Variants in TTC28 observed in about 807,000 individuals in gnomAD.
TTC28 encodes the protein tetratricopeptide repeat domain 28.
In TTC28, 61 loss-of-function variants were observed where a neutral mutation model predicts 198.0. The observed-to-expected ratio is 0.31, with a 90% CI of 0.25 to 0.38. TTC28 has a LOEUF of 0.38. TTC28 is among the 10% of genes least tolerant of loss of function. TTC28 has a pLI of 1.00. For synonymous variants in TTC28, 1,171 were observed against 1,297.8 expected (o/e 0.90, Z 2.10); for missense variants, 2,678 against 3,164.0 (o/e 0.85, Z 3.69).
chr22:28,531,808 T>C (rs2049146127), intron 2 of TTC28, among the ~76,000 whole-genome samples: 1 of 152,208 alleles, frequency 6.6e-6, no homozygotes, highest in Non-Finnish European at 1.5e-5. Flanking sequence ...CCTGAATGAC[T>C]ACTGGGTACA....
intron 2 of TTC28, among the ~76,000 whole-genome samples, chr22:28,410,205 A>G (rs2047060923): frequency 6.6e-6 from 1 of 152,192 alleles, no homozygotes; most frequent in South Asian, 2.1e-4. Flanking sequence ...TACAGGTGTG[A>G]GTCATAATGC....
intron 2 of TTC28, among the ~76,000 whole-genome samples, chr22:28,531,025 A>G (rs1412813216): frequency 6.6e-6 from 1 of 152,204 alleles, no homozygotes; most frequent in African/African-American, 2.4e-5. Flanking sequence ...ACCAGCTGAC[A>G]TCATAATGAC....
intron 5 of TTC28, among the ~76,000 whole-genome samples, chr22:28,264,478 T>G (rs913862229): frequency 2.0e-5 from 3 of 152,140 alleles, no homozygotes; most frequent in Non-Finnish European, 4.4e-5. Context: ...ATTAAAATGT[T>G]TAAATGTGTT....
At chr22:28,036,923 A>C (rs1468958204) in intron 12 of TTC28, among the ~76,000 whole-genome samples, 2 of 152,254 alleles carry the variant, frequency 1.3e-5, no homozygotes, top group Admixed American at 6.5e-5. Flanking sequence ...AATCTAGAAG[A>C]AATGGATAAA....
chr22:28,361,254 C>A (rs113590034), intron 2 of TTC28, among the ~76,000 whole-genome samples: 1,558 of 152,270 alleles, frequency 0.01, 34 homozygotes, highest in East Asian at 0.082. Flanking sequence ...AAAAGCTAGG[C>A]CTCTTGCACT....
intron 9 of TTC28, among the ~76,000 whole-genome samples, chr22:28,100,184 G>A (rs915831126): frequency 8.6e-5 from 13 of 151,978 alleles, no homozygotes; most frequent in African/African-American, 2.4e-4. Context: ...CTTGCTTCTC[G>A]GCCTTTTGGC....
In TTC28 at chr22:28,141,370, A is replaced by G. The variant is rs76624436; in HGVS notation, c.1441+21722T>C. Among the ~76,000 whole-genome samples the G allele has an allele frequency of 7.0e-3, 1,069 of 152,278 alleles. 14 individuals carry two copies. Among genetic ancestry groups the G allele is most frequent in the African/African-American group, 0.022 (934 of 41,556 alleles). On this transcript the variant is annotated intron_variant, in intron 6 of 22. Coordinates refer to ENST00000397906, the MANE Select transcript of TTC28 (RefSeq NM_001145418.2). ...GCAAGTTAAGCAGGGATTTTAAATTATTCACTGCTTTATCTCTAATGCCTA... is the reference window on the plus strand; with the variant it reads ...GCAAGTTAAGCAGGGATTTTAAATTGTTCACTGCTTTATCTCTAATGCCTA...
intron 5 of TTC28, among the ~76,000 whole-genome samples, chr22:28,253,856 G>A (rs1601534459): frequency 6.6e-6 from 1 of 152,066 alleles, no homozygotes; most frequent in Non-Finnish European, 1.5e-5. Flanking sequence ...TGTAATCCCA[G>A]CACTTTGGGA....
chr22:28,155,701 T>C (rs1943734912), intron 6 of TTC28, among the ~76,000 whole-genome samples: 1 of 152,140 alleles, frequency 6.6e-6, no homozygotes. Context: ...TTAGTGAAAA[T>C]GGAACACCTC....
intron 12 of TTC28, among the ~76,000 whole-genome samples, chr22:28,060,296 G>A (rs1940468212): frequency 6.6e-6 from 1 of 152,108 alleles, no homozygotes. Flanking sequence ...CCCACCCTGT[G>A]TCCAAGTGTT....
chr22:28,189,970 G>C (rs547126873), intron 5 of TTC28, among the ~76,000 whole-genome samples: 16 of 152,192 alleles, frequency 1.1e-4, no homozygotes, highest in Non-Finnish European at 2.2e-4. Flanking sequence ...GATTCAACGA[G>C]TCTAGTTACT....
At position 28,271,762 on chromosome 22, in the gene TTC28, G is replaced by A. The variant is rs148496197; in HGVS notation, c.933+24436C>T. Among the ~76,000 whole-genome samples the A allele has an allele frequency of 3.6e-3, 543 of 152,216 alleles. 3 individuals are homozygous for A. Among genetic ancestry groups the A allele is most frequent in the African/African-American group, 0.013 (527 of 41,534 alleles). On this transcript the variant is annotated intron_variant, in intron 5 of 22. Coordinates refer to ENST00000397906, the MANE Select transcript of TTC28 (RefSeq NM_001145418.2). ...TAGGATTACAGGTGCCCGCCACCAC[G>A]TCCAGCTAATTTTTGTATTTTTAGT...
intron 2 of TTC28, among the ~76,000 whole-genome samples, chr22:28,528,737 TAAAAAA>T (rs5844812): frequency 1.1e-5 from 1 of 89,950 alleles, no homozygotes; most frequent in African/African-American, 5.1e-5. Context: ...CCCTGTCTCA[TAAAAAA>T]AAAAAAAAAA....
At chr22:28,393,523 C>T (rs535941161) in intron 2 of TTC28, among the ~76,000 whole-genome samples, 2 of 152,040 alleles carry the variant, frequency 1.3e-5, no homozygotes, top group East Asian at 1.9e-4. Context: ...GAGACCTCAT[C>T]TCCACACAAA....
At chr22:28,611,913 A>G (rs1400481471) in intron 2 of TTC28, among the ~76,000 whole-genome samples, 1 of 152,168 alleles carries the variant, frequency 6.6e-6, no homozygotes, top group Non-Finnish European at 1.5e-5. Context: ...TGAAGGAAGC[A>G]CTGCATCAAC....
intron 2 of TTC28, among the ~76,000 whole-genome samples, chr22:28,622,844 CAG>C (rs1569066170): frequency 6.7e-6 from 1 of 149,988 alleles, no homozygotes; most frequent in Admixed American, 6.6e-5. Context: ...TTTTTTGAGA[CAG>C]AGTCTTGCTC....
intron 5 of TTC28, among the ~76,000 whole-genome samples, chr22:28,202,455 T>C (rs1926048417): frequency 6.6e-6 from 1 of 151,378 alleles, no homozygotes; most frequent in Non-Finnish European, 1.5e-5. Context: ...GAGAATCGCT[T>C]GAATCTGGGA....
At chr22:28,265,629 G>A (rs1023983884) in intron 5 of TTC28, among the ~76,000 whole-genome samples, 2 of 152,118 alleles carry the variant, frequency 1.3e-5, no homozygotes, top group Non-Finnish European at 2.9e-5. Context: ...CCTATGTCAG[G>A]TTGCTGATGA....
intron 5 of TTC28, among the ~76,000 whole-genome samples, chr22:28,224,722 A>C (rs1359751925): frequency 2.0e-5 from 3 of 152,084 alleles, no homozygotes; most frequent in African/African-American, 7.2e-5. Flanking sequence ...AAATATAAGA[A>C]AGTGATCTCC....
Sources: allele counts gnomAD v4.1 joint callset (sites outside exome capture counted in the v4.1 genomes callset), GRCh38; gene constraint gnomAD v4.1.1; transcripts MANE v1.5; gene names NCBI Gene and HGNC (gene_info 2026-07-23, HGNC 2026-07-21).